The following BFSP2 variants were observed in gnomAD, a reference collection of about 807,000 sequenced individuals.
The protein encoded by BFSP2 is phakinin.
A neutral mutation model predicts 44.9 loss-of-function variants in BFSP2; 38 were observed. That is an observed-to-expected ratio of 0.85 (90% CI 0.65 to 1.11). BFSP2 has a LOEUF of 1.11. BFSP2 is among the 50% of genes least tolerant of loss of function. The pLI is 0.00. For synonymous variants in BFSP2, 197 were observed against 209.9 expected, an observed-to-expected ratio of 0.94 and a Z score of 0.53; for missense variants, 525 against 533.0, an observed-to-expected ratio of 0.99 and a Z score of 0.15.
chr3:133,402,475 C>T (rs1479750595), intron 1 of BFSP2, among the ~76,000 whole-genome samples: 1 of 152,144 alleles, frequency 6.6e-6, no homozygotes, highest in Non-Finnish European at 1.5e-5. Context: ...CACACCAAGA[C>T]ATGCGACCTC....
At chr3:133,420,851 C>T (rs934623495) in intron 1 of BFSP2, among the ~76,000 whole-genome samples, 1 of 152,338 alleles carries the variant, frequency 6.6e-6, no homozygotes, top group South Asian at 2.1e-4. Flanking sequence ...ACACTCCTAC[C>T]TGTCTCACCC....
intron 1 of BFSP2, among the ~76,000 whole-genome samples, chr3:133,439,157 G>T (rs1219110332): frequency 6.6e-6 from 1 of 152,242 alleles, no homozygotes; most frequent in Non-Finnish European, 1.5e-5. Flanking sequence ...CATAAGTGTA[G>T]TAAGTGCTTT....
rs75416627 is a variant in BFSP2, at chr3:133,461,698, T to C, written c.892-5130T>C. 3.2e-3 allele frequency among the ~76,000 whole-genome samples: 482 copies of C among 152,370 alleles called. 4 individuals are homozygous for C. Among genetic ancestry groups the C allele is most frequent in the African/African-American group, 0.011 (458 of 41,590 alleles). ...GAATTACTTTTAGCAGTGGTTACTT[T>C]AGGTGAGTTAAAGCAATTAAGTGGG... On this transcript the variant is annotated intron_variant, in intron 4 of 6. Coordinates refer to ENST00000302334, the MANE Select transcript of BFSP2 (RefSeq NM_003571.4).
chr3:133,443,043 G>C (rs1483770909), intron 1 of BFSP2, among the ~76,000 whole-genome samples: 1 of 151,868 alleles, frequency 6.6e-6, no homozygotes, highest in African/African-American at 2.4e-5. Flanking sequence ...ATTTTTAGTA[G>C]AGGCAGGGGT....
At chr3:133,417,542 AT>A in intron 1 of BFSP2, among the ~76,000 whole-genome samples, 1 of 38,766 alleles carries the variant, frequency 2.6e-5, no homozygotes, top group East Asian at 7.6e-4. Flanking sequence ...CCCTCTACTC[AT>A]CCCTTCCCTC....
chr3:133,460,230 A>G (rs1041593503), intron 4 of BFSP2, among the ~76,000 whole-genome samples: 25 of 152,194 alleles, frequency 1.6e-4, no homozygotes, highest in Non-Finnish European at 3.2e-4. Flanking sequence ...AACATGAGAT[A>G]GGTATTGCGA....
chr3:133,472,265 C>T, intron 5 of BFSP2, 80 bp from the exon 6 acceptor site: 3 of 1,466,840 alleles, frequency 2.0e-6, no homozygotes, highest in South Asian at 1.2e-5. Flanking sequence ...CCACCAGCCC[C>T]TGCCACTGCT....
intron 1 of BFSP2, among the ~76,000 whole-genome samples, chr3:133,416,574 AC>A (rs59539561): frequency 0.019 from 1,660 of 85,874 alleles, 77 homozygotes; most frequent in African/African-American, 0.074. Flanking sequence ...CCCTCTACTA[AC>A]CCCTTCCATC....
intron 1 of BFSP2, among the ~76,000 whole-genome samples, chr3:133,425,472 C>T (rs971435553): frequency 6.6e-5 from 10 of 152,208 alleles, no homozygotes; most frequent in African/African-American, 1.9e-4. Flanking sequence ...AGACATTCTT[C>T]CCAGCCCCTG....
intron 1 of BFSP2, among the ~76,000 whole-genome samples, chr3:133,440,219 C>T: frequency 3.1e-5 from 1 of 32,710 alleles, no homozygotes; most frequent in African/African-American, 1.1e-4. Context: ...ACGGGAAAAC[C>T]TACCCCCATG....
At chr3:133,473,315 CAT>C (rs2074184077) in intron 6 of BFSP2, among the ~76,000 whole-genome samples, 2 of 151,804 alleles carry the variant, frequency 1.3e-5, no homozygotes, top group African/African-American at 4.8e-5. Flanking sequence ...ATCTTTCTAA[CAT>C]ACCATGACAA....
chr3:133,405,219 A>G (rs1396544997), intron 1 of BFSP2, among the ~76,000 whole-genome samples: 1 of 152,228 alleles, frequency 6.6e-6, no homozygotes, highest in Non-Finnish European at 1.5e-5. Context: ...GAGGTTCTAA[A>G]TTAAGGAGCC....
intron 1 of BFSP2, among the ~76,000 whole-genome samples, chr3:133,439,153 T>C (rs1024717819): frequency 1.4e-4 from 21 of 152,342 alleles, no homozygotes; most frequent in African/African-American, 5.1e-4. Context: ...GTGGCATAAG[T>C]GTAGTAAGTG....
intron 4 of BFSP2, among the ~76,000 whole-genome samples, chr3:133,461,731 T>C (rs558141244): frequency 6.6e-6 from 1 of 152,376 alleles, no homozygotes; most frequent in East Asian, 1.9e-4. Flanking sequence ...GGGAAGTATC[T>C]CTTGTGGTGA....
intron 4 of BFSP2, among the ~76,000 whole-genome samples, chr3:133,465,220 T>G (rs550150599): frequency 6.6e-6 from 1 of 152,230 alleles, no homozygotes; most frequent in Admixed American, 6.5e-5. Flanking sequence ...TTGGTCAGTC[T>G]GGTCTTGAAC....
intron 1 of BFSP2, among the ~76,000 whole-genome samples, chr3:133,436,613 T>TTA (rs2073785629): frequency 6.6e-6 from 1 of 152,162 alleles, no homozygotes; most frequent in Admixed American, 6.5e-5. Context: ...AATTTTATTT[T>TTA]TTATTATTAT....
rs577325335 is a variant in BFSP2, at chr3:133,414,013, G to A, written c.489+13441G>A. ...ACTCACGCCCTACTCATCCCTGTCCGCTCCCGTCTACTCACCCCTGCCCTC... is the reference window on the plus strand; with the variant it reads ...ACTCACGCCCTACTCATCCCTGTCCACTCCCGTCTACTCACCCCTGCCCTC... On this transcript the variant is annotated intron_variant, in intron 1 of 6. Transcript: ENST00000302334. Among the ~76,000 whole-genome samples the A allele has an allele frequency of 3.9e-4, 57 of 144,822 alleles. No individual in the cohort carries two copies. The Middle Eastern group carries it at 0.011, about 27-fold the overall frequency.
At chr3:133,419,283 A>G (rs2073571630) in intron 1 of BFSP2, among the ~76,000 whole-genome samples, 1 of 152,184 alleles carries the variant, frequency 6.6e-6, no homozygotes, top group African/African-American at 2.4e-5. Context: ...GGATTTCAGC[A>G]CAGGAATTTG....
intron 1 of BFSP2, among the ~76,000 whole-genome samples, chr3:133,419,974 CCA>C (rs940699839): frequency 5.3e-5 from 8 of 152,208 alleles, no homozygotes. Flanking sequence ...TGAGGGATTT[CCA>C]CAGACTGCTG....
Sources: allele counts gnomAD v4.1 joint callset (sites outside exome capture counted in the v4.1 genomes callset), GRCh38; gene constraint gnomAD v4.1.1; transcripts MANE v1.5; gene names NCBI Gene and HGNC (gene_info 2026-07-23, HGNC 2026-07-21).